Variants in ODAD3 observed in about 807,000 individuals in gnomAD.
ODAD3 encodes the protein outer dynein arm-docking complex subunit 3.
A neutral mutation model predicts 70.9 loss-of-function variants in ODAD3; 57 were observed. The observed-to-expected ratio is 0.80, with a 90% CI of 0.65 to 1.00. The LOEUF (loss-of-function observed/expected upper bound fraction) is 1.00. ODAD3 is among the 50% of genes least tolerant of loss of function. The pLI is 0.00. For missense variants in ODAD3, 797 were observed against 763.9 expected (o/e 1.04, Z -0.51); for synonymous variants, 327 against 315.9 (o/e 1.04, Z -0.37).
intron 6 of ODAD3, 44 bp from the exon 7 acceptor site, chr19:11,426,310 C>A (rs1441963679): frequency 1.2e-6 from 2 of 1,610,554 alleles, no homozygotes; most frequent in Non-Finnish European, 1.7e-6. Flanking sequence ...TGGCACCTAC[C>A]ACTGCCCGCC....
At chr19:11,421,078 C>T (rs763230801) in intron 12 of ODAD3, 50 bp downstream of exon 12, 12 of 1,602,032 alleles carry the variant, frequency 7.5e-6, no homozygotes, top group Non-Finnish European at 1.0e-5. Context: ...CCTCCTGCTA[C>T]CCAGCTTGGG....
At chr19:11,424,647 A>G (rs200815128) in intron 7 of ODAD3, among the ~76,000 whole-genome samples, 2 of 110,880 alleles carry the variant, frequency 1.8e-5, no homozygotes, top group Non-Finnish European at 1.6e-5. Flanking sequence ...ATGTGTATAT[A>G]TACCTATGTG....
chr19:11,425,372 T>TGTGTAC (rs1969313586), intron 7 of ODAD3, among the ~76,000 whole-genome samples: 1 of 131,520 alleles, frequency 7.6e-6, no homozygotes, highest in African/African-American at 3.7e-5. Context: ...CATATGTGTA[T>TGTGTAC]ATATGTGTGT....
intron 1 of ODAD3, 190 bp downstream of exon 1, chr19:11,434,583 T>A: frequency 3.5e-6 from 2 of 577,612 alleles, no homozygotes; most frequent in Non-Finnish European, 5.8e-6. Context: ...AAGTATGAAG[T>A]ACAGTTCAGT....
At chr19:11,435,641 G>A (rs138496627), upstream of ODAD3, 668 of 1,257,638 alleles carry the variant, frequency 5.3e-4, 2 homozygotes, top group African/African-American at 9.2e-3. Context: ...CTTTCTTTCT[G>A]CAGCAGGAAC....
rs753993764 is a variant in ODAD3 at position 11,434,778 on chromosome 19, AGTT to A, written c.236_238del (p.Gln79del). ...ACCCTCTGGAGCCATCTTACCTAACAGTTGTATCTTTTTATGTAACTCAGCCAC... is the reference window on the plus strand; with the variant it reads ...ACCCTCTGGAGCCATCTTACCTAACAGTATCTTTTTATGTAACTCAGCCAC... On this transcript the variant is annotated inframe_deletion, in exon 1 of 13. Transcript: ENST00000356392. 4.3e-6 allele frequency: 7 copies of A among 1,611,222 alleles called. No individual in the cohort carries two copies. In the South Asian group the frequency reaches 4.4e-5, roughly 10 times the overall value.
Position 11,425,263 on chromosome 19 carries a change from ATGTGTATATG to A in ODAD3, c.963+871_963+880del, listed in dbSNP as rs1249759315. On this transcript the variant is annotated intron_variant, in intron 7 of 12. Transcript: ENST00000356392. ...TATGTGTATATATGTATATGTACATATGTGTATATGTGTGTATATGTACATATGTGTATAT... is the reference window on the plus strand; with the variant it reads ...TATGTGTATATATGTATATGTACATATGTGTATATGTACATATGTGTATAT... Among the ~76,000 whole-genome samples the A allele has an allele frequency of 1.4e-4, 19 of 138,222 alleles. 1 individual carries two copies. Among genetic ancestry groups the A allele is most frequent in the Admixed American group, 4.2e-4 (6 of 14,436 alleles). The allele number at this position is 138,222 out of a possible 152,430, so 90.7% of individuals were successfully genotyped here.
At chr19:11,425,467 A>ATGTATATATACATATATGTGTGTGTATG (rs1969327958) in intron 7 of ODAD3, among the ~76,000 whole-genome samples, 1 of 141,810 alleles carries the variant, frequency 7.1e-6, no homozygotes, top group Non-Finnish European at 1.5e-5. Flanking sequence ...GTGTGTGTAT[A>ATGTATATATACATATATGTGTGTGTATG]TATGTATATA....
In ODAD3 at chr19:11,431,156, G is replaced by T. The variant is rs543471447; in HGVS notation, c.245-136C>A. The T allele has an allele frequency of 2.6e-5, 30 of 1,146,260 alleles. No individual in the cohort carries two copies. In the East Asian group the frequency reaches 7.3e-4, roughly 28 times the overall value. 71.0% of individuals were successfully genotyped at this position (1,146,260 alleles called of 1,614,324 possible). ...GATGGAGTTTCACTCTTGTTGCCCA[G>T]GCTGCAGTGCAATGGTGCAATCTCG... On this transcript the variant is annotated intron_variant, in intron 1 of 12. Transcript: ENST00000356392.
Position 11,425,298 on chromosome 19 carries a change from T to C in ODAD3, c.963+846A>G, listed in dbSNP as rs943199837. 3.4e-4 allele frequency among the ~76,000 whole-genome samples: 48 copies of C among 139,532 alleles called. 2 individuals are homozygous for C. Among genetic ancestry groups the C allele is most frequent in the Non-Finnish European group, 6.5e-4 (43 of 66,164 alleles). The allele number at this position is 139,532 out of a possible 152,430, so 91.5% of individuals were successfully genotyped here. ...GTGTGTATATGTACATATGTGTATA[T>C]ATGTGTATGTGTACATATGTGTATA... is the stretch of plus-strand genomic sequence containing the variant. On this transcript the variant is annotated intron_variant, in intron 7 of 12. Coordinates refer to ENST00000356392, the MANE Select transcript of ODAD3 (RefSeq NM_145045.5).
At chr19:11,424,055 A>G in intron 7 of ODAD3, 26 bp from the exon 8 acceptor site, 1 of 1,595,360 alleles carries the variant, frequency 6.3e-7, no homozygotes, top group Non-Finnish European at 8.5e-7. Context: ...GGTCAGAGCC[A>G]GGGTCAGCTG....
chr19:11,434,212 C>CAAAAAAAAA (rs1157296691), intron 1 of ODAD3, among the ~76,000 whole-genome samples: 1 of 85,998 alleles, frequency 1.2e-5, no homozygotes, highest in Non-Finnish European at 2.3e-5. Flanking sequence ...GACCCTGTCT[C>CAAAAAAAAA]AAAAAACAAA....
intron 7 of ODAD3, among the ~76,000 whole-genome samples, chr19:11,425,756 G>A (rs1470203500): frequency 1.3e-5 from 2 of 149,762 alleles, no homozygotes; most frequent in South Asian, 2.1e-4. Context: ...AGGGCTGGAT[G>A]GGAGGCAGCC....
At chr19:11,431,094 C>A in intron 1 of ODAD3, 74 bp from the exon 2 acceptor site, 2 of 1,552,104 alleles carry the variant, frequency 1.3e-6, no homozygotes, top group South Asian at 2.4e-5. Flanking sequence ...AGAGGAAAGA[C>A]CTTTTTTGCA....
At chr19:11,425,509 G>GTGTATATA (rs1319893272) in intron 7 of ODAD3, among the ~76,000 whole-genome samples, 3 of 138,234 alleles carry the variant, frequency 2.2e-5, no homozygotes, top group Non-Finnish European at 4.6e-5. Flanking sequence ...GTATATATGT[G>GTGTATATA]TGTATATATG....
Position 11,420,715 on chromosome 19 carries a change from G to T in ODAD3, c.*120C>A. The T allele has an allele frequency of 1.2e-6, 1 of 808,524 alleles. No individual in the cohort carries two copies. Among genetic ancestry groups the T allele is most frequent in the Non-Finnish European group, 2.0e-6 (1 of 497,994 alleles). 50.1% of individuals were successfully genotyped at this position (808,524 alleles called of 1,614,324 possible). ...CCTTCCTCCCCTCCGGGCGCCGCTG[G>T]CCGCCTCCGTTCCCGGTCCGGGCCG... On this transcript the variant is annotated 3_prime_UTR_variant, in exon 13 of 13. Transcript: ENST00000356392.
chr19:11,420,964 G>T lies in ODAD3; in HGVS notation c.1676-17C>A. ...TCTCTTCGTCTAAGGGGGGTGGGGG[G>T]ATGAGCAGGGAGCGATGTGGGATCC... On this transcript the variant is annotated splice_polypyrimidine_tract_variant and intron_variant, in intron 12 of 12. Transcript: ENST00000356392. 1 of 1,603,630 alleles carries T rather than the reference G, an allele frequency of 6.2e-7. No individual in the cohort carries two copies. The highest frequency in any genetic ancestry group is 8.5e-7 in the Non-Finnish European group (1 of 1,170,704).
chr19:11,424,181 C>G (rs1226251688), intron 7 of ODAD3, 152 bp from the exon 8 acceptor site: 10 of 982,798 alleles, frequency 1.0e-5, no homozygotes, highest in Non-Finnish European at 1.2e-5. Flanking sequence ...GATAAAGGCA[C>G]CCGGGCAGGT....
Position 11,435,089 on chromosome 19 carries a change from G to A in ODAD3, c.-73C>T, listed in dbSNP as rs777560519. On this transcript the variant is annotated 5_prime_UTR_variant, in exon 1 of 13. In the 5' UTR this introduces an upstream ATG that the reference lacks. Transcript: ENST00000356392. ...AGTCAGTCGCCCCTGTCAGGGATCCGTCAGCTCGGATTCCTAGGGCTCTGA... is the reference window on the plus strand; with the variant it reads ...AGTCAGTCGCCCCTGTCAGGGATCCATCAGCTCGGATTCCTAGGGCTCTGA... 1.3e-6 allele frequency: 2 copies of A among 1,520,650 alleles called. No individual in the cohort carries two copies. The highest frequency in any genetic ancestry group is 1.8e-6 in the Non-Finnish European group (2 of 1,139,860). The allele number at this position is 1,520,650 out of a possible 1,614,324, so 94.2% of individuals were successfully genotyped here. A position where few individuals can be genotyped will look rare whatever the true frequency, so the allele number is the denominator to read the frequency against.
Sources: gnomAD v4.1 joint callset for allele counts (sites outside exome capture counted in the v4.1 genomes callset) on GRCh38, gnomAD v4.1.1 for gene constraint, MANE v1.5 for transcripts, NCBI Gene and HGNC (gene_info 2026-07-23, HGNC 2026-07-21) for gene names.